RASAL1: variants seen among roughly 807,000 people sequenced by gnomAD.
RASAL1 encodes the protein RAS protein activator like 1, also known as rasGAP-activating-like protein 1.
In RASAL1, 72 loss-of-function variants were observed where a neutral mutation model predicts 96.6. The observed-to-expected ratio is 0.75, with a 90% CI of 0.62 to 0.91. RASAL1 has a LOEUF of 0.91. Among genes scored for constraint, RASAL1 ranks in the 40% least tolerant of loss-of-function variants. The pLI, the probability that RASAL1 is intolerant of heterozygous loss-of-function variation, is 0.00. For synonymous variants in RASAL1, 405 were observed against 430.4 expected (o/e 0.94, Z 0.73); for missense variants, 1,016 against 1,072.5 (o/e 0.95, Z 0.74).
chr12:113,105,218 T>A (rs1950604365), intron 16 of RASAL1, among the ~76,000 whole-genome samples: 1 of 152,248 alleles, frequency 6.6e-6, no homozygotes, highest in African/African-American at 2.4e-5. Context: ...AAGGGCAGGA[T>A]TTTCACCTGT....
chr12:113,129,935 T>A lies in RASAL1; in HGVS notation c.122+950A>T, dbSNP rs1951638002. On this transcript the variant is annotated intron_variant, in intron 2 of 20. Coordinates refer to ENST00000548055, the MANE Select transcript of RASAL1 (RefSeq NM_001301202.2). This position sits in a 1 kb window ranked among gnomAD's most constrained non-coding sequence, Gnocchi z 5.0. ...CCTGGGGTCACACAGAAAATCAATC[T>A]GTGGGTTTGGGGTGGTGTCAGGGAA... 1.3e-5 allele frequency among the ~76,000 whole-genome samples: 2 copies of A among 152,146 alleles called. No individual in the cohort carries two copies. The highest frequency in any genetic ancestry group is 4.8e-5 in the African/African-American group (2 of 41,448).
rs545407101 is a variant in RASAL1, at chr12:113,118,637, G to T, written c.642+491C>A. 7.2e-4 allele frequency among the ~76,000 whole-genome samples: 109 copies of T among 152,324 alleles called. 1 individual carries two copies. Among genetic ancestry groups the T allele is most frequent in the African/African-American group, 2.5e-3 (105 of 41,556 alleles). On this transcript the variant is annotated intron_variant, in intron 7 of 20. Transcript: ENST00000548055. Reference sequence around the variant, plus strand: ...AAGAACCTGAGCCCAGGACTTCCAGGAGTAGGAGTTAAGGGCGTTAAGTCT... The same window carrying T: ...AAGAACCTGAGCCCAGGACTTCCAGTAGTAGGAGTTAAGGGCGTTAAGTCT...
In RASAL1 at chr12:113,104,248, G is replaced by C; in HGVS notation, c.1881C>G (p.Asp627Glu). 2 of 1,599,156 alleles carry C rather than the reference G, an allele frequency of 1.3e-6. No homozygotes were observed. The highest frequency in any genetic ancestry group is 2.3e-5 in the East Asian group (1 of 44,226). ...VSHIRAVERVDEGAFQLPHVM... is the reference protein window; with the variant it reads ...VSHIRAVERVEEGAFQLPHVM... ...CGTGGGGCAGTTGGAAGGCGCCCTC[G>C]TCTACGCGCTCCACGGCGCGGATGT... Residue 627 changes from aspartate (D) to glutamate (E), a missense_variant, in exon 17 of 21, where the codon GAC becomes GAG. Asp to Glu is a conservative substitution (Grantham distance 45, BLOSUM62 2). Coordinates refer to ENST00000548055, the MANE Select transcript of RASAL1 (RefSeq NM_001301202.2).
intron 20 of RASAL1, 145 bp from the exon 21 acceptor site, chr12:113,100,213 G>T (rs1950392725): frequency 2.0e-6 from 2 of 985,916 alleles, no homozygotes; most frequent in Non-Finnish European, 2.9e-6. Context: ...ACAGCCCTGT[G>T]GCCTGATAAT....
intron 13 of RASAL1, among the ~76,000 whole-genome samples, chr12:113,110,438 T>C (rs1902955): frequency 0.29 from 43,778 of 152,106 alleles, 7,413 homozygotes; most frequent in Middle Eastern, 0.43. Flanking sequence ...ACATCAGCAC[T>C]ACGTAAGAGT....
At position 113,115,259 on chromosome 12, in the gene RASAL1, G is replaced by A; in HGVS notation, c.1009C>T (p.Pro337Ser). Reference protein sequence around the residue: ...TRREVARTMDPNTLFRSNSLA... With the variant: ...TRREVARTMDSNTLFRSNSLA... ...GAGTTAGAACGGAAGAGGGTGTTGG[G>A]GTCCACTGGGAGGACAGGAGGAAGT... The change falls in exon 11 of 21, where the codon CCC becomes TCC. Residue 337 changes from proline to serine, a missense_variant. Transcript: ENST00000548055. The surrounding 1 kb of genome is among the most constrained non-coding windows in gnomAD (Gnocchi z 4.1). The A allele has an allele frequency of 6.2e-7, 1 of 1,613,454 alleles. No homozygotes were observed. Among genetic ancestry groups the A allele is most frequent in the South Asian group, 1.1e-5 (1 of 91,074 alleles).
chr12:113,114,584 C>A (rs1280252939), intron 12 of RASAL1, among the ~76,000 whole-genome samples: 4 of 152,108 alleles, frequency 2.6e-5, no homozygotes, highest in Non-Finnish European at 4.4e-5. Context: ...AGATTTGAAC[C>A]CAGGGCGCTT....
Position 113,129,993 on chromosome 12 carries a change from ACAGTGGAGGGGAGT to A in RASAL1, c.122+878_122+891del, listed in dbSNP as rs1395916738. Among the ~76,000 whole-genome samples, 2 of 152,124 alleles carry A rather than the reference ACAGTGGAGGGGAGT, an allele frequency of 1.3e-5. No individual in the cohort carries two copies. The highest frequency in any genetic ancestry group is 2.1e-4 in the South Asian group (1 of 4,828). ...AGGGGCCAGCATGAGCACTGGGAGG[ACAGTGGAGGGGAGT>A]CAGTGGAGGGGGGAGCTACAGCTGA... On this transcript the variant is annotated intron_variant, in intron 2 of 20. Coordinates refer to ENST00000548055, the MANE Select transcript of RASAL1 (RefSeq NM_001301202.2). This position sits in a 1 kb window ranked among gnomAD's most constrained non-coding sequence, Gnocchi z 5.0.
In RASAL1 at chr12:113,107,158, C is replaced by A; in HGVS notation, c.1596G>T (p.Leu532=). ...AGTCTCTCACACGTGAGACACACTG[C>A]AGCAGGAAGGGGTGCAGGGGGGCCA... is the stretch of plus-strand genomic sequence containing the variant. The part of the protein sequence containing the change: ...LWMAPLHPFL[L]QCVSRVRDFL... Residue 532 remains leucine, a synonymous_variant, in exon 15 of 21, where the codon CTG becomes CTT. Coordinates refer to ENST00000548055, the MANE Select transcript of RASAL1 (RefSeq NM_001301202.2). 13 of 1,613,934 alleles carry A rather than the reference C, an allele frequency of 8.1e-6. No individual in the cohort carries two copies. The highest frequency in any genetic ancestry group is 1.1e-5 in the Non-Finnish European group (13 of 1,179,862).
intron 7 of RASAL1, among the ~76,000 whole-genome samples, chr12:113,118,243 A>T (rs1016704744): frequency 1.3e-5 from 2 of 152,176 alleles, no homozygotes; most frequent in Non-Finnish European, 2.9e-5. Context: ...AATAAAAAAA[A>T]TAAACAAGAG....
intron 4 of RASAL1, among the ~76,000 whole-genome samples, chr12:113,127,179 G>A (rs1951517808): frequency 6.6e-6 from 1 of 151,974 alleles, no homozygotes; most frequent in Non-Finnish European, 1.5e-5. Context: ...GGGATTACAG[G>A]TGTGAGGCAC....
chr12:113,117,180 A>C lies in RASAL1; in HGVS notation c.643-19T>G. 6.4e-7 allele frequency: 1 copy of C among 1,554,030 alleles called. No individual in the cohort carries two copies. The highest frequency in any genetic ancestry group is 8.8e-7 in the Non-Finnish European group (1 of 1,131,538). On this transcript the variant is annotated intron_variant, in intron 7 of 20. Transcript: ENST00000548055. Reference sequence around the variant, plus strand: ...ACTCCACCTTTTGAGAGAGACACACAGACCCTCAGCCGGGCCCTGGCCTGC... The same window carrying C: ...ACTCCACCTTTTGAGAGAGACACACCGACCCTCAGCCGGGCCCTGGCCTGC...
intron 4 of RASAL1, among the ~76,000 whole-genome samples, chr12:113,127,160 CA>C (rs1317313909): frequency 6.6e-6 from 1 of 151,992 alleles, no homozygotes; most frequent in Non-Finnish European, 1.5e-5. Context: ...CTCTGCCTCC[CA>C]AGGTGCTGGG....
chr12:113,119,150 C>G lies in RASAL1; in HGVS notation c.620G>C (p.Gly207Ala). 1 of 1,611,866 alleles carries G rather than the reference C, an allele frequency of 6.2e-7. No individual in the cohort carries two copies. Among genetic ancestry groups the G allele is most frequent in the South Asian group, 1.1e-5 (1 of 90,702 alleles). ...RVELWDWDMV[G>A]KNDFLGMVEF... is the part of the protein sequence containing the mutation. ...CACCATGCCCAAGAAGTCATTCTTG[C>G]CCACCATGTCCCAGTCCCAGAGCTC... is the stretch of plus-strand genomic sequence containing the variant. The change falls in exon 7 of 21, where the codon GGC (glycine) becomes GCC (alanine). Residue 207 changes from glycine to alanine, a missense_variant. By Grantham distance (60) the Gly-to-Ala change is moderately conservative. Coordinates refer to ENST00000548055, the MANE Select transcript of RASAL1 (RefSeq NM_001301202.2).
In RASAL1 at chr12:113,112,181, C is replaced by G; in HGVS notation, c.1279G>C (p.Val427Leu). Residue 427 changes from valine (V) to leucine (L), a missense_variant, in exon 13 of 21, where the codon GTG (valine) becomes CTG (leucine). Physicochemically the swap from Val to Leu is conservative, Grantham distance 32. Coordinates refer to ENST00000548055, the MANE Select transcript of RASAL1 (RefSeq NM_001301202.2). ...GGCGGGCAGCGCCCCACGGAGCCCA[C>G]GATGGCGTCCACGATGGGCCCCAGG... ...GYLGPIVDAI[V>L]GSVGRCPPAM... 7.9e-7 allele frequency: 1 copy of G among 1,258,836 alleles called. No individual in the cohort carries two copies. The allele number at this position is 1,258,836 out of a possible 1,614,324, so 78.0% of individuals were successfully genotyped here. A position where few individuals can be genotyped will look rare whatever the true frequency, so the allele number is the denominator to read the frequency against.
At chr12:113,110,261 CA>C (rs1433067018) in intron 13 of RASAL1, among the ~76,000 whole-genome samples, 1 of 152,168 alleles carries the variant, frequency 6.6e-6, no homozygotes, top group African/African-American at 2.4e-5. Context: ...AACCCTTGGC[CA>C]AGTGTTTTGC....
Position 113,119,007 on chromosome 12 carries a change from A to G in RASAL1, c.642+121T>C, listed in dbSNP as rs1229614314. 7 of 1,249,848 alleles carry G rather than the reference A, an allele frequency of 5.6e-6. No homozygotes were observed. The East Asian group carries it at 1.7e-4, about 29-fold the overall frequency. 77.4% of individuals were successfully genotyped at this position (1,249,848 alleles called of 1,614,324 possible). On this transcript the variant is annotated intron_variant, in intron 7 of 20. Coordinates refer to ENST00000548055, the MANE Select transcript of RASAL1 (RefSeq NM_001301202.2). ...GCAACACTCAGGCCTAACCAGGGGA[A>G]CCTGATGAGGCAGCTGTACATCCAC... is the stretch of plus-strand genomic sequence containing the variant.
Position 113,125,097 on chromosome 12 carries a change from TAA to T in RASAL1, c.298+2713_298+2714del, listed in dbSNP as rs34945890. Reference sequence around the variant, plus strand: ...GACAACATAGTGAGAACTTGTCTCTTAAAAAAAAAAAAAAAATACATATACAT... The same window carrying T: ...GACAACATAGTGAGAACTTGTCTCTTAAAAAAAAAAAAAATACATATACAT... On this transcript the variant is annotated intron_variant, in intron 4 of 20. Coordinates refer to ENST00000548055, the MANE Select transcript of RASAL1 (RefSeq NM_001301202.2). Among the ~76,000 whole-genome samples the T allele has an allele frequency of 6.3e-3, 891 of 141,582 alleles. 8 individuals are homozygous for T. Among genetic ancestry groups the T allele is most frequent in the African/African-American group, 0.021 (833 of 39,174 alleles). The allele number at this position is 141,582 out of a possible 152,430, so 92.9% of individuals were successfully genotyped here.
intron 12 of RASAL1, 52 bp from the exon 13 acceptor site, chr12:113,112,330 C>A: frequency 8.1e-7 from 1 of 1,233,012 alleles, no homozygotes; most frequent in South Asian, 4.1e-5. Context: ...TCTGCCTGCT[C>A]CAAACCCTCC....
Sources: allele counts gnomAD v4.1 joint callset (sites outside exome capture counted in the v4.1 genomes callset), GRCh38; gene constraint gnomAD v4.1.1; non-coding constraint Gnocchi (gnomAD v3.1); transcripts MANE v1.5; gene names NCBI Gene and HGNC (gene_info 2026-07-23, HGNC 2026-07-21).